The following SEC24A variants were observed in gnomAD, a reference collection of about 807,000 sequenced individuals.
SEC24A encodes protein transport protein Sec24A.
In SEC24A, 93 loss-of-function variants were observed where a neutral mutation model predicts 129.4. The observed-to-expected ratio is 0.72, with a 90% CI of 0.61 to 0.85. SEC24A has a LOEUF of 0.85. Among genes scored for constraint, SEC24A ranks in the 40% least tolerant of loss-of-function variants. SEC24A has a pLI of 0.00. For missense variants in SEC24A, 1,264 were observed against 1,307.4 expected (o/e 0.97, Z 0.51); for synonymous variants, 460 against 467.3 (o/e 0.98, Z 0.20).
chr5:134,724,274 T>C (rs1752703037), intron 22 of SEC24A, among the ~76,000 whole-genome samples: 1 of 152,172 alleles, frequency 6.6e-6, no homozygotes, highest in Admixed American at 6.6e-5. Context: ...ATGTCACAAA[T>C]GACAGAATTT....
chr5:134,665,386 C>T (rs934403339), intron 2 of SEC24A, among the ~76,000 whole-genome samples: 6 of 147,914 alleles, frequency 4.1e-5, no homozygotes, highest in South Asian at 2.2e-4. Flanking sequence ...ACCCAGGAGG[C>T]GGAGGTTGCA....
chr5:134,694,033 G>A, intron 13 of SEC24A, 100 bp downstream of exon 13: 1 of 951,976 alleles, frequency 1.1e-6, no homozygotes, highest in Non-Finnish European at 1.6e-6. Flanking sequence ...CAATTGTTGG[G>A]AGGAGGGACT....
chr5:134,671,808 G>A lies in SEC24A; in HGVS notation c.740-1G>A. On this transcript the variant is annotated splice_acceptor_variant, in intron 3 of 22. Coordinates refer to ENST00000398844, the MANE Select transcript of SEC24A (RefSeq NM_021982.3). LOFTEE classifies it high-confidence loss of function. ...ATCTTGTTGATGAACTTCCTTCTTAGGTATTACATCAAATACCAATAACGG... is the reference window on the plus strand; with the variant it reads ...ATCTTGTTGATGAACTTCCTTCTTAAGTATTACATCAAATACCAATAACGG... The A allele has an allele frequency of 1.9e-6, 3 of 1,560,838 alleles. No individual in the cohort carries two copies. Among genetic ancestry groups the A allele is most frequent in the Non-Finnish European group, 2.6e-6 (3 of 1,149,094 alleles).
At chr5:134,683,279 A>T (rs959161214) in intron 9 of SEC24A, among the ~76,000 whole-genome samples, 1 of 152,170 alleles carries the variant, frequency 6.6e-6, no homozygotes, top group African/African-American at 2.4e-5. Context: ...TCGGCCTCCC[A>T]GAGTGCTGGG....
chr5:134,725,142 A>G lies in SEC24A; in HGVS notation c.*48A>G. The G allele has an allele frequency of 1.1e-6, 1 of 920,336 alleles. No homozygotes were observed. Among genetic ancestry groups the G allele is most frequent in the Non-Finnish European group, 1.8e-6 (1 of 563,928 alleles). 57.0% of individuals were successfully genotyped at this position (920,336 alleles called of 1,614,324 possible). On this transcript the variant is annotated 3_prime_UTR_variant, in exon 23 of 23. Coordinates refer to ENST00000398844, the MANE Select transcript of SEC24A (RefSeq NM_021982.3). ...TTTTTAAGGAATGTCACGATAGTGC[A>G]GAATACCTGGAAATGTGTAATACCT...
chr5:134,697,874 TA>T, intron 14 of SEC24A, 24 bp from the exon 15 acceptor site: 1 of 1,601,134 alleles, frequency 6.2e-7, no homozygotes, highest in Non-Finnish European at 8.5e-7. Context: ...CGGCACAGTT[TA>T]AAACAGTGTG....
rs775092335 is a variant in SEC24A at position 134,661,295 on chromosome 5, G to T, written c.274G>T (p.Ala92Ser). The T allele has an allele frequency of 6.2e-7, 1 of 1,614,138 alleles. No individual in the cohort carries two copies. Among genetic ancestry groups the T allele is most frequent in the Admixed American group, 1.7e-5 (1 of 59,982 alleles). The change falls in exon 2 of 23, where the codon GCC becomes TCC. Residue 92 changes from alanine to serine, a missense_variant. By Grantham distance (99) the Ala-to-Ser change is moderately conservative (BLOSUM62 1). Transcript: ENST00000398844. Reference sequence around the variant, plus strand: ...GCAGACTCTTAATAGACCACCTGTGGCCTCTAATCCAGTGACACCTTCGCT... The same window carrying T: ...GCAGACTCTTAATAGACCACCTGTGTCCTCTAATCCAGTGACACCTTCGCT... ...SGQTLNRPPV[A>S]SNPVTPSLHS...
intron 21 of SEC24A, among the ~76,000 whole-genome samples, chr5:134,722,507 G>T (rs571312567): frequency 6.6e-6 from 1 of 152,218 alleles, no homozygotes; most frequent in African/African-American, 2.4e-5. Flanking sequence ...CAGGCGAATC[G>T]CTTGAATCTG....
Position 134,688,263 on chromosome 5 carries a change from T to G in SEC24A, c.1687T>G (p.Ser563Ala). ...TTTCTACGGTCTTCAGGAAAGTCTCTCTCAACCTCAGATGCTAATAGTTTC... is the reference window on the plus strand; with the variant it reads ...TTTCTACGGTCTTCAGGAAAGTCTCGCTCAACCTCAGATGCTAATAGTTTC... ...IHFYGLQESLSQPQMLIVSDI... is the reference protein window; with the variant it reads ...IHFYGLQESLAQPQMLIVSDI... Residue 563 changes from serine to alanine, a missense_variant, in exon 11 of 23, where the codon TCT (serine) becomes GCT (alanine). Physicochemically the swap from Ser to Ala is moderately conservative, Grantham distance 99. Coordinates refer to ENST00000398844, the MANE Select transcript of SEC24A (RefSeq NM_021982.3). The G allele has an allele frequency of 6.2e-7, 1 of 1,605,768 alleles. No homozygotes were observed. Among genetic ancestry groups the G allele is most frequent in the East Asian group, 2.2e-5 (1 of 44,768 alleles).
intron 1 of SEC24A, among the ~76,000 whole-genome samples, chr5:134,659,041 A>ATT (rs1334377500): frequency 5.1e-5 from 6 of 118,454 alleles, no homozygotes; most frequent in East Asian, 2.3e-4. Context: ...TCACTGACCC[A>ATT]TTTATTTTTA....
intron 1 of SEC24A, among the ~76,000 whole-genome samples, chr5:134,653,174 C>T (rs1235850693): frequency 6.6e-6 from 1 of 151,348 alleles, no homozygotes; most frequent in Non-Finnish European, 1.5e-5. Flanking sequence ...CTGCTGACCT[C>T]ATGATCCTCC....
chr5:134,651,133 C>T (rs1349176014), intron 1 of SEC24A, among the ~76,000 whole-genome samples: 1 of 142,864 alleles, frequency 7.0e-6, no homozygotes, highest in Non-Finnish European at 1.5e-5. Flanking sequence ...CTTACTTAAA[C>T]TGTCCCTCAA....
chr5:134,654,419 A>G (rs537472323), intron 1 of SEC24A, among the ~76,000 whole-genome samples: 5 of 152,024 alleles, frequency 3.3e-5, no homozygotes, highest in African/African-American at 9.6e-5. Flanking sequence ...ACGGGGTTTC[A>G]CCATGTTGGA....
At chr5:134,648,758 C>A, upstream of SEC24A, 1 of 205,524 alleles carries the variant, frequency 4.9e-6, no homozygotes. Flanking sequence ...GTCCTGATTG[C>A]GGCTGCGCGG....
At chr5:134,648,554 G>A (rs983270249), upstream of SEC24A, 7 of 152,646 alleles carry the variant, frequency 4.6e-5, no homozygotes, top group Admixed American at 2.6e-4. Context: ...CACAACGGCG[G>A]GAATTTCCGT....
chr5:134,675,451 G>A (rs974542693), intron 6 of SEC24A, among the ~76,000 whole-genome samples: 16 of 152,158 alleles, frequency 1.1e-4, no homozygotes, highest in Admixed American at 1.0e-3. Context: ...ATGAGATTAT[G>A]ATATTCATTA....
chr5:134,661,812 CTTT>C (rs762403982), intron 2 of SEC24A, among the ~76,000 whole-genome samples: 223 of 126,316 alleles, frequency 1.8e-3, no homozygotes, highest in Non-Finnish European at 2.9e-3. Context: ...TTTTTTCATT[CTTT>C]TTTCTCTTTT....
intron 3 of SEC24A, among the ~76,000 whole-genome samples, chr5:134,669,296 A>G (rs972007982): frequency 9.4e-5 from 14 of 149,376 alleles, no homozygotes; most frequent in African/African-American, 3.2e-4. Flanking sequence ...CTTCCCGAGT[A>G]GCTGGGATTA....
chr5:134,713,351 C>T (rs1752386632), intron 18 of SEC24A, among the ~76,000 whole-genome samples: 1 of 152,106 alleles, frequency 6.6e-6, no homozygotes. Context: ...TGCAGTACCC[C>T]AATCCCACCC....
Sources: allele counts gnomAD v4.1 joint callset (sites outside exome capture counted in the v4.1 genomes callset), GRCh38; gene constraint gnomAD v4.1.1; transcripts MANE v1.5; gene names NCBI Gene and HGNC (gene_info 2026-07-23, HGNC 2026-07-21).